MED27: variants seen among roughly 807,000 people sequenced by gnomAD.
MED27 encodes mediator of RNA polymerase II transcription subunit 27.
In MED27, 30 loss-of-function variants were observed where a neutral mutation model predicts 38.2. The observed-to-expected ratio is 0.79, with a 90% CI of 0.59 to 1.07. The LOEUF (loss-of-function observed/expected upper bound fraction) is 1.07, where lower values mean the gene tolerates loss of function less well. MED27 is among the 50% of genes least tolerant of loss of function. The pLI is 0.00. For missense variants in MED27, 289 were observed against 397.5 expected (o/e 0.73, Z 2.32); for synonymous variants, 122 against 153.5 (o/e 0.79, Z 1.52).
chr9:131,983,073 C>A (rs1022040714), intron 3 of MED27, among the ~76,000 whole-genome samples: 1 of 152,206 alleles, frequency 6.6e-6, no homozygotes, highest in African/African-American at 2.4e-5. Context: ...TCATGACACT[C>A]AGAAGTGCCT....
intron 2 of MED27, among the ~76,000 whole-genome samples, chr9:132,029,234 T>C (rs1415019650): frequency 6.6e-6 from 1 of 152,344 alleles, no homozygotes; most frequent in East Asian, 1.9e-4. Context: ...CCTACTCTAG[T>C]ACCAAGTTAC....
At chr9:132,030,459 G>A in intron 2 of MED27, among the ~76,000 whole-genome samples, 1 of 152,248 alleles carries the variant, frequency 6.6e-6, no homozygotes, top group Admixed American at 6.5e-5. Context: ...GGGAAGAAAG[G>A]CCAGTCCTTT....
intron 3 of MED27, among the ~76,000 whole-genome samples, chr9:131,958,392 T>C (rs3936129): frequency 0.33 from 49,813 of 151,686 alleles, 8,395 homozygotes; most frequent in East Asian, 0.4. Flanking sequence ...ATTACAGGCG[T>C]GCGCCACCGT....
chr9:131,874,841 T>C (rs1838901409), intron 6 of MED27, among the ~76,000 whole-genome samples: 1 of 152,216 alleles, frequency 6.6e-6, no homozygotes, highest in South Asian at 2.1e-4. Flanking sequence ...CAAAGACACC[T>C]GAATTGTTCT....
chr9:131,892,068 G>T (rs561721912), intron 5 of MED27, among the ~76,000 whole-genome samples: 2 of 151,900 alleles, frequency 1.3e-5, no homozygotes, highest in African/African-American at 2.4e-5. Context: ...AGGAACACGG[G>T]AAGTCTGATC....
At chr9:132,076,772 T>C (rs182492569) in intron 2 of MED27, among the ~76,000 whole-genome samples, 16 of 152,310 alleles carry the variant, frequency 1.1e-4, no homozygotes, top group African/African-American at 3.6e-4. Context: ...AAGGAACTTG[T>C]TAGTAAACAA....
At chr9:132,043,250 T>G (rs934168897) in intron 2 of MED27, among the ~76,000 whole-genome samples, 1 of 151,646 alleles carries the variant, frequency 6.6e-6, no homozygotes, top group Non-Finnish European at 1.5e-5. Context: ...AGCATCACAG[T>G]TATTTTCACT....
chr9:131,968,505 A>G (rs1277061450), intron 3 of MED27, among the ~76,000 whole-genome samples: 2 of 150,348 alleles, frequency 1.3e-5, no homozygotes, highest in East Asian at 3.9e-4. Flanking sequence ...TCGTAGTACT[A>G]CGAGGTGAAA....
At chr9:131,945,170 A>G (rs1293568230) in intron 3 of MED27, among the ~76,000 whole-genome samples, 1 of 148,348 alleles carries the variant, frequency 6.7e-6, no homozygotes, top group South Asian at 2.1e-4. Flanking sequence ...AAATATAAAA[A>G]TATATTTGTT....
intron 1 of MED27, among the ~76,000 whole-genome samples, chr9:132,079,044 T>C (rs999091255): frequency 2.0e-4 from 30 of 151,478 alleles, no homozygotes; most frequent in African/African-American, 6.8e-4. Context: ...GATTAGAGAG[T>C]AGGTCTCTAC....
intron 3 of MED27, among the ~76,000 whole-genome samples, chr9:131,945,002 C>T (rs931761142): frequency 1.3e-5 from 2 of 150,532 alleles, no homozygotes; most frequent in African/African-American, 4.9e-5. Flanking sequence ...AACTGTGGTC[C>T]CTGGTTTGCT....
intron 6 of MED27, among the ~76,000 whole-genome samples, chr9:131,877,661 A>G (rs1838960523): frequency 6.6e-6 from 1 of 152,188 alleles, no homozygotes; most frequent in Non-Finnish European, 1.5e-5. Context: ...ACACCCAACT[A>G]AGGTGTGCAG....
At chr9:131,894,127 C>A in intron 4 of MED27, 135 bp from the exon 5 acceptor site, 1 of 631,368 alleles carries the variant, frequency 1.6e-6, no homozygotes, top group Admixed American at 2.5e-5. Flanking sequence ...TCCTCCAGCA[C>A]TGGAAAATGA....
At chr9:131,951,362 A>T (rs565773887) in intron 3 of MED27, among the ~76,000 whole-genome samples, 1 of 152,346 alleles carries the variant, frequency 6.6e-6, no homozygotes, top group South Asian at 2.1e-4. Flanking sequence ...TGAGAACTCC[A>T]CAGGGGGAAG....
At chr9:132,013,546 G>A (rs1310905839) in intron 3 of MED27, among the ~76,000 whole-genome samples, 1 of 152,120 alleles carries the variant, frequency 6.6e-6, no homozygotes, top group Non-Finnish European at 1.5e-5. Flanking sequence ...TACTGTATCT[G>A]TTATCCTTCC....
intron 4 of MED27, among the ~76,000 whole-genome samples, chr9:131,938,579 T>A (rs1830723916): frequency 6.6e-6 from 1 of 152,216 alleles, no homozygotes. Context: ...TACAAACATC[T>A]TCTAGGAGAT....
intron 2 of MED27, among the ~76,000 whole-genome samples, chr9:132,034,557 G>T (rs777381598): frequency 6.6e-6 from 1 of 152,194 alleles, no homozygotes; most frequent in African/African-American, 2.4e-5. Context: ...CTTTTAGGTC[G>T]AAAGGTAGCT....
intron 4 of MED27, among the ~76,000 whole-genome samples, chr9:131,908,642 G>T (rs1830127807): frequency 6.6e-6 from 1 of 152,204 alleles, no homozygotes; most frequent in African/African-American, 2.4e-5. Flanking sequence ...TAAGGGTGGT[G>T]CAAGATGTGC....
chr9:131,936,144 A>T (rs1830680064), intron 4 of MED27, among the ~76,000 whole-genome samples: 1 of 150,984 alleles, frequency 6.6e-6, no homozygotes, highest in Admixed American at 6.6e-5. Context: ...AAAAAAAAAA[A>T]AAAAAAGAAA....
Sources: gnomAD v4.1 joint callset for allele counts (sites outside exome capture counted in the v4.1 genomes callset) on GRCh38, gnomAD v4.1.1 for gene constraint, MANE v1.5 for transcripts, NCBI Gene and HGNC (gene_info 2026-07-23, HGNC 2026-07-21) for gene names.